The following ZNF804B variants were observed in gnomAD, a reference collection of about 807,000 sequenced individuals.
ZNF804B encodes the protein zinc finger protein 804B.
Under a neutral mutation model 101.4 loss-of-function variants are expected in ZNF804B, and 80 were observed. That is an observed-to-expected ratio of 0.79 (90% CI 0.66 to 0.95). ZNF804B has a LOEUF of 0.95. Among genes scored for constraint, ZNF804B ranks in the 40% least tolerant of loss-of-function variants. The pLI, the probability that ZNF804B is intolerant of heterozygous loss-of-function variation, is 0.00. For missense variants in ZNF804B, 1,673 were observed against 1,561.9 expected (o/e 1.07, Z -1.20); for synonymous variants, 622 against 558.8 (o/e 1.11, Z -1.59).
intron 1 of ZNF804B, among the ~76,000 whole-genome samples, chr7:89,045,774 C>A (rs1297473714): frequency 6.6e-6 from 1 of 152,094 alleles, no homozygotes; most frequent in Non-Finnish European, 1.5e-5. Context: ...CTTTTGATTT[C>A]ATAGGCTCTT....
At position 88,982,524 on chromosome 7, in the gene ZNF804B, A is replaced by G. The variant is rs186576290; in HGVS notation, c.108+222440A>G. On this transcript the variant is annotated intron_variant, in intron 1 of 3. Transcript: ENST00000333190. ...TGGGGCCTCTCTCTTTGGCATGCAG[A>G]TGGCTGCCTTCTTACTGTGCCCTCA... is the stretch of plus-strand genomic sequence containing the variant. 2.7e-3 allele frequency among the ~76,000 whole-genome samples: 418 copies of G among 152,174 alleles called. 1 individual carries two copies. The highest frequency in any genetic ancestry group is 5.2e-3 in the Admixed American group (80 of 15,286).
At position 89,116,063 on chromosome 7, in the gene ZNF804B, C is replaced by A. The variant is rs772692127; in HGVS notation, c.109-102092C>A. Among the ~76,000 whole-genome samples, 531 of 108,490 alleles carry A rather than the reference C, an allele frequency of 4.9e-3. 2 individuals are homozygous for A. The highest frequency in any genetic ancestry group is 7.8e-3 in the Non-Finnish European group (417 of 53,740). The allele number at this position is 108,490 out of a possible 152,430, so 71.2% of individuals were successfully genotyped here. On this transcript the variant is annotated intron_variant, in intron 1 of 3. Coordinates refer to ENST00000333190, the MANE Select transcript of ZNF804B (RefSeq NM_181646.5). ...GGGACTACAGGCACATGCCACCATG[C>A]CCAGTTATTATTTTTTTTTTTTGTA...
In ZNF804B at chr7:89,220,096, CAT is replaced by C. The variant is rs200741707; in HGVS notation, c.249+1808_249+1809del. ...ATGTGTATATACATATATATACGCA[CAT>C]ATATATGTGTGTATATACATATATA... On this transcript the variant is annotated intron_variant, in intron 2 of 3. Transcript: ENST00000333190. Among the ~76,000 whole-genome samples the C allele has an allele frequency of 2.0e-3, 138 of 68,410 alleles. 29 individuals carry two copies. Among genetic ancestry groups the C allele is most frequent in the African/African-American group, 4.8e-3 (68 of 14,248 alleles). 44.9% of individuals were successfully genotyped at this position (68,410 alleles called of 152,430 possible).
intron 1 of ZNF804B, among the ~76,000 whole-genome samples, chr7:89,170,015 C>A (rs1159213752): frequency 2.6e-5 from 4 of 152,146 alleles, no homozygotes. Flanking sequence ...AAATAAGAAA[C>A]CAACTTTTAA....
intron 1 of ZNF804B, among the ~76,000 whole-genome samples, chr7:88,872,841 T>G (rs199621786): frequency 0.18 from 26,740 of 148,784 alleles, 2,399 homozygotes; most frequent in African/African-American, 0.27. Flanking sequence ...GGTGTATATG[T>G]GCCACATTTT....
chr7:88,847,557 A>G (rs1210461346), intron 1 of ZNF804B, among the ~76,000 whole-genome samples: 1 of 152,174 alleles, frequency 6.6e-6, no homozygotes, highest in Non-Finnish European at 1.5e-5. Context: ...TGGAATAGAT[A>G]ATATTAAATA....
At chr7:89,015,586 G>A (rs1788538602) in intron 1 of ZNF804B, among the ~76,000 whole-genome samples, 1 of 151,664 alleles carries the variant, frequency 6.6e-6, no homozygotes, top group Non-Finnish European at 1.5e-5. Flanking sequence ...AACATGCAGT[G>A]TTTGGTTTTT....
At chr7:89,282,057 C>G (rs1028264024) in intron 2 of ZNF804B, among the ~76,000 whole-genome samples, 1 of 151,822 alleles carries the variant, frequency 6.6e-6, no homozygotes, top group East Asian at 1.9e-4. Flanking sequence ...AAAAATTAGC[C>G]GGGCGTGGTG....
chr7:89,048,300 T>C (rs1303652898), intron 1 of ZNF804B, among the ~76,000 whole-genome samples: 1 of 151,918 alleles, frequency 6.6e-6, no homozygotes, highest in Non-Finnish European at 1.5e-5. Flanking sequence ...TAAGAGATTA[T>C]TATTCTAAGT....
intron 1 of ZNF804B, among the ~76,000 whole-genome samples, chr7:88,970,203 ATTTTG>A (rs747934195): frequency 4.6e-5 from 7 of 151,444 alleles, no homozygotes; most frequent in African/African-American, 1.5e-4. Flanking sequence ...ATTTTATTTT[ATTTTG>A]TTTTAAGTTC....
intron 1 of ZNF804B, among the ~76,000 whole-genome samples, chr7:89,051,683 T>C (rs1789207218): frequency 6.6e-6 from 1 of 152,194 alleles, no homozygotes; most frequent in African/African-American, 2.4e-5. Context: ...CTTTAATCTT[T>C]TAATTTTTGA....
chr7:88,866,648 A>G (rs971196279), intron 1 of ZNF804B, among the ~76,000 whole-genome samples: 1 of 152,192 alleles, frequency 6.6e-6, no homozygotes, highest in Non-Finnish European at 1.5e-5. Context: ...CAGCCAAGTA[A>G]AATGCACCCA....
intron 1 of ZNF804B, among the ~76,000 whole-genome samples, chr7:89,024,768 A>T (rs1788723627): frequency 6.6e-6 from 1 of 151,220 alleles, no homozygotes; most frequent in African/African-American, 2.4e-5. Context: ...TAGTCTATGG[A>T]GCCATCAACT....
chr7:89,055,097 A>G (rs1208665714), intron 1 of ZNF804B, among the ~76,000 whole-genome samples: 1 of 152,134 alleles, frequency 6.6e-6, no homozygotes, highest in Non-Finnish European at 1.5e-5. Context: ...GTGTTGACTT[A>G]GATTGACTGG....
intron 1 of ZNF804B, chr7:88,794,444 G>A (rs1482407929): frequency 6.2e-7 from 1 of 1,613,896 alleles, no homozygotes; most frequent in Non-Finnish European, 8.5e-7. Context: ...ACCTCCTTTA[G>A]GGACTGTGAC....
chr7:88,955,292 A>G (rs1204495498), intron 1 of ZNF804B, among the ~76,000 whole-genome samples: 1 of 151,590 alleles, frequency 6.6e-6, no homozygotes, highest in Non-Finnish European at 1.5e-5. Context: ...TTTTTACTAT[A>G]AAGAGTAGCT....
intron 2 of ZNF804B, among the ~76,000 whole-genome samples, chr7:89,311,112 A>G (rs1048503666): frequency 5.9e-5 from 9 of 152,206 alleles, no homozygotes; most frequent in African/African-American, 1.2e-4. Flanking sequence ...ACTTGAAGCA[A>G]TAGAGGTAGA....
At chr7:89,132,161 CGCACACAT>C (rs1164444995) in intron 1 of ZNF804B, among the ~76,000 whole-genome samples, 16 of 75,748 alleles carry the variant, frequency 2.1e-4, no homozygotes, top group African/African-American at 1.2e-3. Context: ...TGAGAACACA[CGCACACAT>C]ACACACACAC....
At chr7:89,222,000 A>G (rs1789011589) in intron 2 of ZNF804B, among the ~76,000 whole-genome samples, 1 of 151,980 alleles carries the variant, frequency 6.6e-6, no homozygotes, top group Non-Finnish European at 1.5e-5. Flanking sequence ...AAAATTTTAT[A>G]CGTAGGACAC....
Sources: allele counts gnomAD v4.1 joint callset (sites outside exome capture counted in the v4.1 genomes callset), GRCh38; gene constraint gnomAD v4.1.1; transcripts MANE v1.5; gene names NCBI Gene and HGNC (gene_info 2026-07-23, HGNC 2026-07-21).